The following CACHD1 variants were observed in gnomAD, a reference collection of about 807,000 sequenced individuals.
CACHD1 encodes VWFA and cache domain-containing protein 1.
CACHD1 carries 71 observed loss-of-function variants against 138.7 expected under a neutral mutation model. That is an observed-to-expected ratio of 0.51 (90% CI 0.42 to 0.62). The LOEUF is 0.62. Among genes scored for constraint, CACHD1 ranks in the 20% least tolerant of loss-of-function variants. CACHD1 has a pLI of 0.00. For synonymous variants in CACHD1, 578 were observed against 591.5 expected (o/e 0.98, Z 0.33); for missense variants, 1,389 against 1,625.3 (o/e 0.85, Z 2.50).
At chr1:64,626,308 CAT>C (rs201476833) in intron 4 of CACHD1, among the ~76,000 whole-genome samples, 2,304 of 152,290 alleles carry the variant, frequency 0.015, 26 homozygotes, top group Non-Finnish European at 0.021. Context: ...ATGGCTGTCA[CAT>C]GTGTTAATTT....
At chr1:64,668,582 C>G (rs1649716495) in intron 16 of CACHD1, among the ~76,000 whole-genome samples, 2 of 152,118 alleles carry the variant, frequency 1.3e-5, no homozygotes, top group Admixed American at 1.3e-4. Context: ...ATGGGTTGAA[C>G]CTACACAAGT....
intron 2 of CACHD1, among the ~76,000 whole-genome samples, chr1:64,580,342 T>G (rs1207400951): frequency 6.6e-6 from 1 of 152,176 alleles, no homozygotes; most frequent in Non-Finnish European, 1.5e-5. Context: ...GATTTTTCTC[T>G]CAATCAAAGT....
chr1:64,628,009 C>T (rs1369386400), intron 4 of CACHD1, among the ~76,000 whole-genome samples: 1 of 152,102 alleles, frequency 6.6e-6, no homozygotes, highest in Non-Finnish European at 1.5e-5. Context: ...TTATAAAGGG[C>T]CATTTAATTT....
intron 1 of CACHD1, among the ~76,000 whole-genome samples, chr1:64,549,026 A>G (rs1030727366): frequency 2.0e-5 from 3 of 152,164 alleles, no homozygotes; most frequent in African/African-American, 7.2e-5. Flanking sequence ...ATTTGGGGGT[A>G]TGTTATTTAA....
rs776326077 is a variant in CACHD1, at chr1:64,632,677, C to T, written c.723C>T (p.Asp241=). 1 of 1,614,152 alleles carries T rather than the reference C, an allele frequency of 6.2e-7. No individual in the cohort carries two copies. The highest frequency in any genetic ancestry group is 8.5e-7 in the Non-Finnish European group (1 of 1,180,006). ...VILDHGASVT[D]TQLQIAKDAA... ...TGGACCACGGGGCTTCAGTCACAGA[C>T]ACTCAGCTTCAGATTGCCAAGGACG... is the stretch of plus-strand genomic sequence containing the variant. Residue 241 remains aspartate, a synonymous_variant, in exon 6 of 27, where the codon GAC becomes GAT. Coordinates refer to ENST00000651257, the MANE Select transcript of CACHD1 (RefSeq NM_020925.4).
chr1:64,587,369 T>C (rs1647058359), intron 3 of CACHD1, among the ~76,000 whole-genome samples: 1 of 152,198 alleles, frequency 6.6e-6, no homozygotes, highest in Non-Finnish European at 1.5e-5. Context: ...TGCCTAGTTC[T>C]GAAGAGAGAG....
At chr1:64,652,372 A>G (rs1649125914) in intron 10 of CACHD1, 62 bp downstream of exon 10, 3 of 1,424,248 alleles carry the variant, frequency 2.1e-6, no homozygotes, top group African/African-American at 1.4e-5. Flanking sequence ...AATAAGGTAT[A>G]GATATTCTAC....
At chr1:64,590,322 C>CAA (rs67217249) in intron 3 of CACHD1, among the ~76,000 whole-genome samples, 11 of 86,158 alleles carry the variant, frequency 1.3e-4, no homozygotes, top group African/African-American at 3.4e-4. Context: ...GACTCTGTCT[C>CAA]AAAAAAAAAA....
At chr1:64,596,471 C>T (rs866931178) in intron 3 of CACHD1, among the ~76,000 whole-genome samples, 2 of 152,174 alleles carry the variant, frequency 1.3e-5, no homozygotes, top group African/African-American at 2.4e-5. Flanking sequence ...CTTAGTAGGC[C>T]TGAGTGTTTC....
intron 8 of CACHD1, among the ~76,000 whole-genome samples, chr1:64,643,851 G>C (rs898224454): frequency 2.0e-5 from 3 of 152,134 alleles, no homozygotes; most frequent in African/African-American, 7.2e-5. Context: ...GGTCCTCAAA[G>C]CCAGCATAAG....
rs1646946085 is a variant in CACHD1 at position 64,573,904 on chromosome 1, C to T, written c.262-8252C>T. ...CACACAGTGCCCTAAACATAATCAG[C>T]AATCAATTAGTTCTAATTATTGTTG... On this transcript the variant is annotated intron_variant, in intron 2 of 26. Transcript: ENST00000651257. 2.0e-5 allele frequency among the ~76,000 whole-genome samples: 3 copies of T among 152,126 alleles called. No individual in the cohort carries two copies. The South Asian group carries it at 6.2e-4, about 32-fold the overall frequency.
chr1:64,651,591 G>A (rs1026706720), intron 9 of CACHD1, among the ~76,000 whole-genome samples: 2 of 152,084 alleles, frequency 1.3e-5, no homozygotes, highest in African/African-American at 4.8e-5. Flanking sequence ...GGCAGTTGAG[G>A]CCACCATGAG....
chr1:64,624,578 T>C (rs1375197026), intron 4 of CACHD1, among the ~76,000 whole-genome samples: 4 of 152,148 alleles, frequency 2.6e-5, no homozygotes, highest in African/African-American at 4.8e-5. Flanking sequence ...CACACACTCA[T>C]GTCAGCCAGA....
intron 13 of CACHD1, among the ~76,000 whole-genome samples, chr1:64,663,009 C>G (rs1307464690): frequency 1.3e-5 from 2 of 152,198 alleles, no homozygotes; most frequent in African/African-American, 4.8e-5. Flanking sequence ...AAGATTGCTG[C>G]TATGCAAATG....
intron 4 of CACHD1, among the ~76,000 whole-genome samples, chr1:64,611,268 C>T (rs2118104): frequency 0.083 from 12,596 of 152,244 alleles, 695 homozygotes; most frequent in Admixed American, 0.16. Context: ...TGTTAACATT[C>T]GGCTCCTTGT....
chr1:64,482,356 T>C (rs1646216091), intron 1 of CACHD1, among the ~76,000 whole-genome samples: 1 of 152,218 alleles, frequency 6.6e-6, no homozygotes, highest in Admixed American at 6.5e-5. Context: ...AAAGCCTATA[T>C]TTCTCATGAC....
chr1:64,512,136 G>A (rs540901361), intron 1 of CACHD1, among the ~76,000 whole-genome samples: 23 of 152,170 alleles, frequency 1.5e-4, no homozygotes, highest in African/African-American at 5.3e-4. Flanking sequence ...GCTCAAGCCC[G>A]TAATCCCAGC....
At position 64,658,763 on chromosome 1, in the gene CACHD1, A is replaced by C; in HGVS notation, c.1841A>C (p.Lys614Thr). The change falls in exon 13 of 27, where the codon AAA becomes ACA. Residue 614 changes from lysine to threonine, a missense_variant. Coordinates refer to ENST00000651257, the MANE Select transcript of CACHD1 (RefSeq NM_020925.4). ...IVVIQPEIPV[K>T]QLKNLNTVPS... ...GTGATACAACCAGAAATACCTGTGA[A>C]ACAACTGAAGAACCTCAACACTGTT... 6.2e-7 allele frequency: 1 copy of C among 1,611,328 alleles called. No homozygotes were observed. The highest frequency in any genetic ancestry group is 2.2e-5 in the East Asian group (1 of 44,844).
intron 4 of CACHD1, among the ~76,000 whole-genome samples, chr1:64,603,198 G>A (rs1048184781): frequency 4.8e-5 from 7 of 147,216 alleles, no homozygotes; most frequent in African/African-American, 1.3e-4. Context: ...TCCGCCTCCC[G>A]GGTTCACACC....
Sources: allele counts gnomAD v4.1 joint callset (sites outside exome capture counted in the v4.1 genomes callset), GRCh38; gene constraint gnomAD v4.1.1; transcripts MANE v1.5; gene names NCBI Gene and HGNC (gene_info 2026-07-23, HGNC 2026-07-21).